The following NCAM2 variants were observed in gnomAD, a reference collection of about 807,000 sequenced individuals.
NCAM2 encodes the protein N-CAM-2.
In NCAM2, 30 loss-of-function variants were observed where a neutral mutation model predicts 98.1. The ratio of observed to expected loss-of-function variants is 0.31; its 90% confidence interval spans 0.23 to 0.41. NCAM2 has a LOEUF of 0.41. Ranked by LOEUF, NCAM2 falls within the 10% of genes least tolerant of loss-of-function variation. NCAM2 has a pLI of 1.00. For missense variants in NCAM2, 867 were observed against 1,005.8 expected (o/e 0.86, Z 1.87); for synonymous variants, 368 against 342.4 (o/e 1.07, Z -0.83).
At chr21:21,251,425 G>C (rs183086284) in intron 1 of NCAM2, among the ~76,000 whole-genome samples, 3 of 151,936 alleles carry the variant, frequency 2.0e-5, no homozygotes, top group African/African-American at 7.2e-5. Flanking sequence ...CTGTTCCTGT[G>C]TTAGCTTGCT....
At chr21:21,472,134 T>A (rs1299191724) in intron 14 of NCAM2, among the ~76,000 whole-genome samples, 1 of 151,976 alleles carries the variant, frequency 6.6e-6, no homozygotes, top group Admixed American at 6.6e-5. Context: ...TATTTCTAAT[T>A]TGATGATAGC....
intron 1 of NCAM2, among the ~76,000 whole-genome samples, chr21:21,034,656 G>A (rs1281558469): frequency 6.6e-6 from 1 of 152,130 alleles, no homozygotes; most frequent in Non-Finnish European, 1.5e-5. Context: ...AGAAACTTAA[G>A]TTTTAGAATT....
chr21:21,060,264 A>G (rs940567938), intron 1 of NCAM2, among the ~76,000 whole-genome samples: 5 of 152,164 alleles, frequency 3.3e-5, no homozygotes, highest in East Asian at 3.9e-4. Flanking sequence ...TGATTATACC[A>G]TATGTGAAAA....
chr21:21,382,698 T>G (rs1476955503), intron 9 of NCAM2, among the ~76,000 whole-genome samples: 2 of 151,708 alleles, frequency 1.3e-5, no homozygotes, highest in African/African-American at 4.8e-5. Context: ...TTTTGTTTTG[T>G]TTTTTGTATT....
intron 11 of NCAM2, among the ~76,000 whole-genome samples, chr21:21,424,291 T>G (rs928657206): frequency 1.3e-5 from 2 of 152,206 alleles, no homozygotes; most frequent in Non-Finnish European, 2.9e-5. Context: ...TTTTAATTCA[T>G]TCACTCAAAA....
At chr21:21,452,023 A>G (rs886473722) in intron 12 of NCAM2, among the ~76,000 whole-genome samples, 1 of 151,782 alleles carries the variant, frequency 6.6e-6, no homozygotes, top group Non-Finnish European at 1.5e-5. Flanking sequence ...TGCCTACTCT[A>G]TTTCTTGATG....
At position 21,353,447 on chromosome 21, in the gene NCAM2, T is replaced by A. The variant is rs911667672; in HGVS notation, c.1044+14913T>A. 3.9e-5 allele frequency among the ~76,000 whole-genome samples: 6 copies of A among 152,296 alleles called. No individual in the cohort carries two copies. In the East Asian group the frequency reaches 9.7e-4, roughly 25 times the overall value. ...TCTTATTCCTTTTGGAAGTTGACAA[T>A]GTCGGAAGTCTGCATTTGGCTCTTG... is the stretch of plus-strand genomic sequence containing the variant. On this transcript the variant is annotated intron_variant, in intron 8 of 17. Coordinates refer to ENST00000400546, the MANE Select transcript of NCAM2 (RefSeq NM_004540.5).
chr21:21,475,704 A>C (rs1985079517), intron 14 of NCAM2, among the ~76,000 whole-genome samples: 1 of 152,194 alleles, frequency 6.6e-6, no homozygotes, highest in Non-Finnish European at 1.5e-5. Context: ...TGAGTTTCAA[A>C]AATCAAGGCA....
intron 14 of NCAM2, among the ~76,000 whole-genome samples, chr21:21,472,374 T>A (rs1418447425): frequency 6.6e-6 from 1 of 151,960 alleles, no homozygotes; most frequent in Admixed American, 6.6e-5. Flanking sequence ...ATAAGTAAAA[T>A]CAAGCTTTGG....
intron 1 of NCAM2, among the ~76,000 whole-genome samples, chr21:21,259,446 C>A (rs1023487923): frequency 1.4e-4 from 1 of 7,110 alleles, no homozygotes; most frequent in African/African-American, 4.0e-4. Context: ...TGGTGCATCC[C>A]CCAGCCCCTT....
At chr21:21,286,172 A>G in intron 3 of NCAM2, 97 bp from the exon 4 acceptor site, 11 of 1,255,658 alleles carry the variant, frequency 8.8e-6, no homozygotes, top group South Asian at 4.8e-5. Flanking sequence ...TTATTTTATT[A>G]TAGTATCAAT....
chr21:21,162,622 T>G (rs1375123182), intron 1 of NCAM2, among the ~76,000 whole-genome samples: 1 of 152,072 alleles, frequency 6.6e-6, no homozygotes, highest in African/African-American at 2.4e-5. Context: ...ACACATTTAG[T>G]GAAAAAGTCC....
intron 9 of NCAM2, among the ~76,000 whole-genome samples, chr21:21,392,173 C>T (rs2076395832): frequency 6.6e-6 from 1 of 152,176 alleles, no homozygotes; most frequent in African/African-American, 2.4e-5. Context: ...CATCATTTAA[C>T]TCCAACTTAT....
chr21:21,131,954 C>A (rs946684629), intron 1 of NCAM2, among the ~76,000 whole-genome samples: 2 of 152,104 alleles, frequency 1.3e-5, no homozygotes, highest in Non-Finnish European at 2.9e-5. Flanking sequence ...AGCTTAAAAA[C>A]CACACAAATA....
At chr21:21,234,902 T>C (rs1395837109) in intron 1 of NCAM2, among the ~76,000 whole-genome samples, 1 of 152,094 alleles carries the variant, frequency 6.6e-6, no homozygotes, top group Non-Finnish European at 1.5e-5. Flanking sequence ...TATTTAGTAA[T>C]AAGCAAATTG....
chr21:21,327,429 G>T (rs995505464), intron 6 of NCAM2, among the ~76,000 whole-genome samples: 1 of 151,826 alleles, frequency 6.6e-6, no homozygotes, highest in Non-Finnish European at 1.5e-5. Flanking sequence ...AGAGAGTTCT[G>T]GTTATCTTCC....
At position 21,427,237 on chromosome 21, in the gene NCAM2, A is replaced by G. The variant is rs186604428; in HGVS notation, c.1481-4871A>G. Among the ~76,000 whole-genome samples, 9 of 152,060 alleles carry G rather than the reference A, an allele frequency of 5.9e-5. No individual in the cohort carries two copies. In the East Asian group the frequency reaches 1.7e-3, roughly 29 times the overall value. On this transcript the variant is annotated intron_variant, in intron 11 of 17. Coordinates refer to ENST00000400546, the MANE Select transcript of NCAM2 (RefSeq NM_004540.5). ...GTGGGATTGAAAACAAAAAAAAGAG[A>G]TCTTTATAATTCACAGTAATAAGAC...
intron 1 of NCAM2, among the ~76,000 whole-genome samples, chr21:21,100,274 T>A (rs1003492615): frequency 6.6e-6 from 1 of 151,880 alleles, no homozygotes; most frequent in Non-Finnish European, 1.5e-5. Flanking sequence ...TTAAAGAGAT[T>A]ATATCAAGAG....
intron 1 of NCAM2, among the ~76,000 whole-genome samples, chr21:21,006,122 C>A (rs1204365745): frequency 6.6e-6 from 1 of 152,066 alleles, no homozygotes; most frequent in Non-Finnish European, 1.5e-5. Flanking sequence ...ATGATTCGGT[C>A]TTTTTTGCTA....
Sources: allele counts gnomAD v4.1 joint callset (sites outside exome capture counted in the v4.1 genomes callset), GRCh38; gene constraint gnomAD v4.1.1; transcripts MANE v1.5; gene names NCBI Gene and HGNC (gene_info 2026-07-23, HGNC 2026-07-21).